The following DCAF6 variants were observed in gnomAD, a reference collection of about 807,000 sequenced individuals.
DCAF6 encodes the protein DDB1 and CUL4 associated factor 6.
DCAF6 carries 54 observed loss-of-function variants against 125.1 expected under a neutral mutation model. The observed-to-expected ratio is 0.43, with a 90% CI of 0.35 to 0.54. DCAF6 has a LOEUF of 0.54. DCAF6 is among the 20% of genes least tolerant of loss of function. The probability of loss-of-function intolerance (pLI) is 0.01; values close to 1 mark genes in which losing one functional copy is unlikely to be tolerated. For synonymous variants in DCAF6, 371 were observed against 390.4 expected (o/e 0.95, Z 0.58); for missense variants, 934 against 1,161.7 (o/e 0.80, Z 2.85).
chr1:168,022,302 G>A (rs1427369055), intron 11 of DCAF6, among the ~76,000 whole-genome samples: 1 of 152,138 alleles, frequency 6.6e-6, no homozygotes, highest in East Asian at 1.9e-4. Flanking sequence ...TGTTCTATTT[G>A]AAGCCAAGGT....
rs12741312 is a variant in DCAF6, at chr1:167,990,046, G to T, written c.553-1158G>T. ...TTTTGCAGGGTTTGTATTTATATGT[G>T]TACTTTATTTTTGAGCTGGTTAAGG... On this transcript the variant is annotated intron_variant, in intron 5 of 21. Coordinates refer to ENST00000367840, the MANE Select transcript of DCAF6 (RefSeq NM_001198956.2). Among the ~76,000 whole-genome samples, 411 of 152,138 alleles carry T rather than the reference G, an allele frequency of 2.7e-3. 1 individual carries two copies. The highest frequency in any genetic ancestry group is 4.6e-3 in the Non-Finnish European group (315 of 67,996).
the DCAF6 span, chr1:167,904,813 TGA>T: frequency 1.3e-6 from 1 of 751,232 alleles, no homozygotes; most frequent in Non-Finnish European, 2.3e-6. Flanking sequence ...TAAGGGAGGA[TGA>T]GAGAGAGCCA....
chr1:167,986,927 A>G (rs921617812), intron 4 of DCAF6, among the ~76,000 whole-genome samples: 1 of 152,198 alleles, frequency 6.6e-6, no homozygotes, highest in African/African-American at 2.4e-5. Context: ...AAAGGTTTTT[A>G]TGGTAGTAAA....
At chr1:168,027,526 TTTAAC>T (rs1391432710) in intron 12 of DCAF6, among the ~76,000 whole-genome samples, 16 of 152,300 alleles carry the variant, frequency 1.1e-4, no homozygotes, top group South Asian at 2.1e-4. Flanking sequence ...TTTTCATACT[TTTAAC>T]AAAACACGAA....
chr1:167,972,144 G>A (rs994050004), intron 3 of DCAF6, among the ~76,000 whole-genome samples: 3 of 152,142 alleles, frequency 2.0e-5, no homozygotes, highest in African/African-American at 7.2e-5. Context: ...GGCATGAGCC[G>A]CCATGCCTGG....
chr1:168,057,975 C>G (rs1457885936), intron 17 of DCAF6, among the ~76,000 whole-genome samples: 1 of 152,164 alleles, frequency 6.6e-6, no homozygotes, highest in Non-Finnish European at 1.5e-5. Context: ...TAACCAGTGT[C>G]CTGAATGTTA....
At chr1:167,972,025 T>C (rs1167477263) in intron 3 of DCAF6, among the ~76,000 whole-genome samples, 1 of 152,084 alleles carries the variant, frequency 6.6e-6, no homozygotes, top group African/African-American at 2.4e-5. Flanking sequence ...CCGGCTAATT[T>C]TTGTATTTTT....
In DCAF6 at chr1:168,002,496, A is replaced by G. The variant is rs369159879; in HGVS notation, c.918A>G (p.Pro306=). Residue 306 remains proline, a synonymous_variant, in exon 8 of 22, where the codon CCA becomes CCG. Transcript: ENST00000367840. ...TTATTTTTTAGTTGCGACAACCACC[A>G]GTTAAGCGTTTGAGACTTCGTGGTG... is the stretch of plus-strand genomic sequence containing the variant. ...EERREELRQP[P]VKRLRLRGDW... is the part of the protein sequence containing the mutation. 2.6e-5 allele frequency: 42 copies of G among 1,612,880 alleles called. No homozygotes were observed. The highest frequency in any genetic ancestry group is 3.4e-5 in the Non-Finnish European group (40 of 1,179,188).
chr1:167,975,451 T>C (rs560470239), intron 4 of DCAF6, among the ~76,000 whole-genome samples: 1 of 152,342 alleles, frequency 6.6e-6, no homozygotes, highest in African/African-American at 2.4e-5. Flanking sequence ...TCCTAAAGGA[T>C]ATTAATGAGC....
chr1:168,032,157 G>A (rs1202288831), intron 12 of DCAF6, among the ~76,000 whole-genome samples: 22 of 152,192 alleles, frequency 1.4e-4, no homozygotes, highest in Non-Finnish European at 7.4e-5. Flanking sequence ...AGAGAGAATG[G>A]ACTTCCTAAT....
intron 9 of DCAF6, 69 bp from the exon 10 acceptor site, chr1:168,004,464 T>C (rs200790575): frequency 6.9e-7 from 1 of 1,451,424 alleles, no homozygotes; most frequent in South Asian, 1.2e-5. Context: ...TTTCTGAGCA[T>C]ATCTGTTTAG....
chr1:168,064,246 A>G (rs909156242), intron 18 of DCAF6, among the ~76,000 whole-genome samples: 17 of 152,212 alleles, frequency 1.1e-4, no homozygotes, highest in African/African-American at 4.1e-4. Flanking sequence ...ACCAGATGAA[A>G]TAAGAATAGA....
intron 1 of DCAF6, among the ~76,000 whole-genome samples, chr1:167,950,383 A>C (rs1273708081): frequency 6.6e-6 from 1 of 152,196 alleles, no homozygotes; most frequent in Non-Finnish European, 1.5e-5. Context: ...CCTGAAGTAC[A>C]ACCTACTTCA....
intron 13 of DCAF6, among the ~76,000 whole-genome samples, chr1:168,041,661 A>T (rs1688545210): frequency 1.3e-5 from 2 of 151,950 alleles, no homozygotes; most frequent in Admixed American, 1.3e-4. Flanking sequence ...TGCCATATTA[A>T]CGTATGTTAA....
intron 5 of DCAF6, among the ~76,000 whole-genome samples, chr1:167,988,327 A>C (rs1015420670): frequency 6.7e-6 from 1 of 149,312 alleles, no homozygotes; most frequent in African/African-American, 2.5e-5. Flanking sequence ...TGCTCAACTA[A>C]TTTTTTTTTT....
At chr1:167,865,043 T>C in the DCAF6 span, among the ~76,000 whole-genome samples, 1 of 152,196 alleles carries the variant, frequency 6.6e-6, no homozygotes, top group Non-Finnish European at 1.5e-5. Context: ...CAAAGAATTA[T>C]CTGCGAAAGT....
At chr1:168,024,212 C>G (rs1472171542) in intron 12 of DCAF6, among the ~76,000 whole-genome samples, 1 of 140,468 alleles carries the variant, frequency 7.1e-6, no homozygotes. Context: ...GTGAGACCCC[C>G]ATCTCTTTAA....
intron 6 of DCAF6, 72 bp downstream of exon 6, chr1:167,991,411 T>C: frequency 7.2e-7 from 1 of 1,396,718 alleles, no homozygotes; most frequent in Non-Finnish European, 9.5e-7. Flanking sequence ...ATTTTCAGTT[T>C]TAAAATTTCT....
chr1:167,945,952 AG>A (rs1673005538), intron 1 of DCAF6, among the ~76,000 whole-genome samples: 2 of 143,330 alleles, frequency 1.4e-5, no homozygotes, highest in South Asian at 2.2e-4. Flanking sequence ...ACCAAATCTA[AG>A]GGTTTTTTTT....
Sources: gnomAD v4.1 joint callset for allele counts (sites outside exome capture counted in the v4.1 genomes callset) on GRCh38, gnomAD v4.1.1 for gene constraint, MANE v1.5 for transcripts, NCBI Gene and HGNC (gene_info 2026-07-23, HGNC 2026-07-21) for gene names.